The following MAPK14 variants were observed in gnomAD, a reference collection of about 807,000 sequenced individuals.
MAPK14 encodes the protein CSAID-binding protein.
MAPK14 carries 16 observed loss-of-function variants against 49.6 expected under a neutral mutation model. The ratio of observed to expected loss-of-function variants is 0.32; its 90% CI spans 0.22 to 0.49. The LOEUF (loss-of-function observed/expected upper bound fraction) is 0.49. Among genes scored for constraint, MAPK14 ranks in the 20% least tolerant of loss-of-function variants. The pLI is 0.99. For missense variants in MAPK14, 200 were observed against 441.2 expected (o/e 0.45, Z 4.90); for synonymous variants, 142 against 158.0 (o/e 0.90, Z 0.76).
chr6:36,081,168 TTTGA>T (rs1322797588), intron 8 of MAPK14, among the ~76,000 whole-genome samples: 1 of 152,178 alleles, frequency 6.6e-6, no homozygotes, highest in African/African-American at 2.4e-5. Flanking sequence ...CATTTTTAAT[TTTGA>T]TTAAGTTCCA....
rs1158562742 is a variant in MAPK14 at position 36,110,928 on chromosome 6, G to C, written c.*2481G>C. The C allele has an allele frequency of 6.6e-6, 1 of 152,066 alleles. No homozygotes were observed. The highest frequency in any genetic ancestry group is 1.5e-5 in the Non-Finnish European group (1 of 68,020). 9.4% of individuals were successfully genotyped at this position (152,066 alleles called of 1,614,324 possible). On this transcript the variant is annotated 3_prime_UTR_variant, in exon 12 of 12. Coordinates refer to ENST00000229794, the MANE Select transcript of MAPK14 (RefSeq NM_139012.3). ...AAAGCTTCTTAGTTGTACATTTTTT[G>C]GTGAAGAGTATCCAGGTCTTTGCTG...
rs200130239 is a variant in MAPK14 at position 36,109,745 on chromosome 6, A to G, written c.*1298A>G. 21 of 152,762 alleles carry G rather than the reference A, an allele frequency of 1.4e-4. No individual in the cohort carries two copies. The highest frequency in any genetic ancestry group is 2.6e-4 in the Admixed American group (4 of 15,304). The allele number at this position is 152,762 out of a possible 1,614,324, so 9.5% of individuals were successfully genotyped here. A position where few individuals can be genotyped will look rare whatever the true frequency, so the allele number is the denominator to read the frequency against. Reference sequence around the variant, plus strand: ...GAAACAAGTTATTCTCTTCACTCCCAATAACTAATGCTAAGAAATGCTGAA... The same window carrying G: ...GAAACAAGTTATTCTCTTCACTCCCGATAACTAATGCTAAGAAATGCTGAA... On this transcript the variant is annotated 3_prime_UTR_variant, in exon 12 of 12. Coordinates refer to ENST00000229794, the MANE Select transcript of MAPK14 (RefSeq NM_139012.3).
chr6:36,086,000 AACTC>A (rs1472939727), intron 8 of MAPK14, among the ~76,000 whole-genome samples: 1 of 152,198 alleles, frequency 6.6e-6, no homozygotes, highest in Non-Finnish European at 1.5e-5. Context: ...AAGATTAAGA[AACTC>A]ACTCAAAACC....
At chr6:36,079,952 C>CTT (rs368370512) in intron 8 of MAPK14, among the ~76,000 whole-genome samples, 5 of 145,822 alleles carry the variant, frequency 3.4e-5, no homozygotes, top group Non-Finnish European at 7.6e-5. Context: ...CCATTTTAAC[C>CTT]TTTTTTTTTT....
intron 1 of MAPK14, among the ~76,000 whole-genome samples, chr6:36,051,084 A>G (rs1562109633): frequency 6.6e-6 from 1 of 152,026 alleles, no homozygotes; most frequent in Non-Finnish European, 1.5e-5. Flanking sequence ...GATGAGGCAT[A>G]ATGGAACTGG....
chr6:36,058,290 T>TA (rs2127424048), intron 2 of MAPK14, among the ~76,000 whole-genome samples: 1 of 152,206 alleles, frequency 6.6e-6, no homozygotes, highest in East Asian at 1.9e-4. Context: ...AATACATTTT[T>TA]AAAAAACACA....
chr6:36,042,956 T>C (rs990602800), intron 1 of MAPK14, among the ~76,000 whole-genome samples: 2 of 151,980 alleles, frequency 1.3e-5, no homozygotes, highest in Non-Finnish European at 2.9e-5. Flanking sequence ...ACTTTGTCTC[T>C]ACCAAAAATA....
Position 36,029,281 on chromosome 6 carries a change from G to C in MAPK14, c.116+1008G>C, listed in dbSNP as rs796443608. On this transcript the variant is annotated intron_variant, in intron 1 of 11. Transcript: ENST00000229794. ...TGGCCTGAGGTACACGATGGTTTTC[G>C]TAAGGATATGGAACCACATAGAAAA... The C allele has an allele frequency of 5.9e-5, 9 of 152,210 alleles. 1 individual carries two copies. The highest frequency in any genetic ancestry group is 2.2e-4 in the African/African-American group (9 of 41,534). 9.4% of individuals were successfully genotyped at this position (152,210 alleles called of 1,614,324 possible). A position where few individuals can be genotyped will look rare whatever the true frequency, so the allele number is the denominator to read the frequency against.
intron 9 of MAPK14, among the ~76,000 whole-genome samples, chr6:36,101,328 C>T (rs577228677): frequency 6.6e-6 from 1 of 152,112 alleles, no homozygotes; most frequent in Non-Finnish European, 1.5e-5. Context: ...GTCCCAGCTA[C>T]TTGGGAAGCT....
Position 36,108,629 on chromosome 6 carries a change from G to A in MAPK14, c.*182G>A. The A allele has an allele frequency of 3.3e-6, 2 of 610,850 alleles. No individual in the cohort carries two copies. Among genetic ancestry groups the A allele is most frequent in the South Asian group, 1.8e-5 (1 of 54,170 alleles). 37.8% of individuals were successfully genotyped at this position (610,850 alleles called of 1,614,324 possible). A position where few individuals can be genotyped will look rare whatever the true frequency, so the allele number is the denominator to read the frequency against. On this transcript the variant is annotated 3_prime_UTR_variant, in exon 12 of 12. Coordinates refer to ENST00000229794, the MANE Select transcript of MAPK14 (RefSeq NM_139012.3). ...ATGTGTGTGTCTGTCTTTGTGGGAG[G>A]GTAAGACAATATGAACAAACTATGA...
intron 9 of MAPK14, among the ~76,000 whole-genome samples, chr6:36,100,657 C>A (rs1216511182): frequency 6.6e-6 from 1 of 151,884 alleles, no homozygotes; most frequent in Non-Finnish European, 1.5e-5. Context: ...AAAGAGGATT[C>A]TTTATTTAAA....
At position 36,075,837 on chromosome 6, in the gene MAPK14, C is replaced by T; in HGVS notation, c.496-11C>T. ...TCTTAGCAGTTTGTCTGTTCCTCTT[C>T]TGCCCTTTAGATTCTGGATTTTGGA... On this transcript the variant is annotated splice_polypyrimidine_tract_variant and intron_variant, in intron 6 of 11. Coordinates refer to ENST00000229794, the MANE Select transcript of MAPK14 (RefSeq NM_139012.3). The T allele has an allele frequency of 1.2e-6, 2 of 1,613,550 alleles. No individual in the cohort carries two copies. Among genetic ancestry groups the T allele is most frequent in the South Asian group, 1.1e-5 (1 of 91,064 alleles).
chr6:36,042,758 TC>T (rs757185164), intron 1 of MAPK14, among the ~76,000 whole-genome samples: 5 of 151,872 alleles, frequency 3.3e-5, no homozygotes, highest in Non-Finnish European at 7.4e-5. Flanking sequence ...GCCTCAGACT[TC>T]CGAAGTGCTA....
At chr6:36,116,970 T>C in the MAPK14 span, among the ~76,000 whole-genome samples, 2 of 152,246 alleles carry the variant, frequency 1.3e-5, no homozygotes, top group Non-Finnish European at 2.9e-5. Flanking sequence ...AAGAGTTTTA[T>C]AGCATTGGTG....
intron 9 of MAPK14, chr6:36,100,383 C>T: frequency 1.3e-6 from 1 of 788,242 alleles, no homozygotes; most frequent in Non-Finnish European, 2.3e-6. Context: ...TGCCTTGAGG[C>T]CTGCCTATGT....
intron 1 of MAPK14, among the ~76,000 whole-genome samples, chr6:36,043,387 G>A (rs1763042535): frequency 6.6e-6 from 1 of 151,938 alleles, no homozygotes; most frequent in Admixed American, 6.6e-5. Flanking sequence ...ATTTTTTGAG[G>A]TTCCTAAATC....
chr6:36,092,577 T>C, intron 8 of MAPK14: 1 of 470,814 alleles, frequency 2.1e-6, no homozygotes, highest in Non-Finnish European at 4.1e-6. Flanking sequence ...CCATTTTCCT[T>C]CTGAAATTAA....
chr6:36,057,447 C>G (rs777848166), intron 2 of MAPK14, among the ~76,000 whole-genome samples: 2 of 152,160 alleles, frequency 1.3e-5, no homozygotes, highest in Non-Finnish European at 2.9e-5. Context: ...GAAAGTGATT[C>G]TATTTCCTTT....
intron 7 of MAPK14, 70 bp from the exon 8 acceptor site, chr6:36,076,467 G>A (rs1450067063): frequency 2.2e-5 from 24 of 1,090,350 alleles, no homozygotes; most frequent in South Asian, 3.8e-5. Context: ...CCCTAGTTAC[G>A]GTTTCATTTG....
Sources: gnomAD v4.1 joint callset for allele counts (sites outside exome capture counted in the v4.1 genomes callset) on GRCh38, gnomAD v4.1.1 for gene constraint, MANE v1.5 for transcripts, NCBI Gene and HGNC (gene_info 2026-07-23, HGNC 2026-07-21) for gene names.